ITGA9: variants seen among roughly 807,000 people sequenced by gnomAD.
ITGA9 encodes the protein integrin subunit alpha 9.
Under a neutral mutation model 127.8 loss-of-function variants are expected in ITGA9, and 56 were observed. The ratio of observed to expected loss-of-function variants is 0.44; its 90% CI spans 0.35 to 0.55. The LOEUF (loss-of-function observed/expected upper bound fraction) is 0.55. Ranked by LOEUF, ITGA9 falls within the 20% of genes least tolerant of loss-of-function variation. ITGA9 has a pLI of 0.00. For synonymous variants in ITGA9, 508 were observed against 514.5 expected, an observed-to-expected ratio of 0.99 and a Z score of 0.17; for missense variants, 1,196 against 1,347.1, an observed-to-expected ratio of 0.89 and a Z score of 1.76.
At position 37,562,093 on chromosome 3, in the gene ITGA9, G is replaced by A. The variant is rs141814424; in HGVS notation, c.1689+19508G>A. 7.2e-5 allele frequency among the ~76,000 whole-genome samples: 11 copies of A among 152,298 alleles called. No homozygotes were observed. The East Asian group carries it at 9.7e-4, about 13-fold the overall frequency. On this transcript the variant is annotated intron_variant, in intron 15 of 27. Transcript: ENST00000264741. ...TCCTATTCTCAGAGCAGAGAGCCAC[G>A]AATGGGGCACTCGGGGCCGTGACAG...
chr3:37,679,397 C>T (rs1227195461), intron 17 of ITGA9, among the ~76,000 whole-genome samples: 1 of 152,040 alleles, frequency 6.6e-6, no homozygotes, highest in African/African-American at 2.4e-5. Context: ...TGTTTGTAAA[C>T]TTTCTTGCCA....
chr3:37,782,837 G>C (rs1696992260), intron 25 of ITGA9, among the ~76,000 whole-genome samples: 1 of 152,170 alleles, frequency 6.6e-6, no homozygotes, highest in African/African-American at 2.4e-5. Context: ...TGTAGGATCT[G>C]ATTTTTAAAA....
At position 37,512,179 on chromosome 3, in the gene ITGA9, CTTTTCTTTTCTTTTCTTTTCTTTTCT is replaced by C. The variant is rs1193429976; in HGVS notation, c.898-1580_898-1555del. ...CTTTTCTTTTCTTTTCTTTTCTTTT[CTTTTCTTTTCTTTTCTTTTCTTTTCT>C]TTTCTTTCTTTCTTTCTTCTTTCTT... is the stretch of plus-strand genomic sequence containing the variant. On this transcript the variant is annotated intron_variant, in intron 8 of 27. Coordinates refer to ENST00000264741, the MANE Select transcript of ITGA9 (RefSeq NM_002207.3). Among the ~76,000 whole-genome samples the C allele has an allele frequency of 5.1e-3, 105 of 20,738 alleles. 4 individuals are homozygous for C. The highest frequency in any genetic ancestry group is 0.034 in the Admixed American group (43 of 1,248). 13.6% of individuals were successfully genotyped at this position (20,738 alleles called of 152,430 possible).
intron 22 of ITGA9, 47 bp from the exon 23 acceptor site, chr3:37,750,415 T>C (rs753035663): frequency 9.5e-7 from 1 of 1,047,700 alleles, no homozygotes; most frequent in Non-Finnish European, 1.5e-6. Flanking sequence ...GAAATGGAGG[T>C]CTGCTATTTT....
chr3:37,480,833 C>T (rs1698545030), intron 3 of ITGA9, among the ~76,000 whole-genome samples: 1 of 152,186 alleles, frequency 6.6e-6, no homozygotes, highest in South Asian at 2.1e-4. Context: ...TCATCTCTCA[C>T]CTGGTGTTCA....
chr3:37,725,441 A>G (rs1696176037), intron 18 of ITGA9, among the ~76,000 whole-genome samples: 1 of 152,202 alleles, frequency 6.6e-6, no homozygotes, highest in South Asian at 2.1e-4. Context: ...ACCTGTGTGT[A>G]TTCAAAGCAC....
Position 37,517,618 on chromosome 3 carries a change from G to A in ITGA9, c.1141+9G>A. 6.5e-7 allele frequency: 1 copy of A among 1,547,302 alleles called. No individual in the cohort carries two copies. ...CAATGATGGGTTCCCAGGTGAGTGAGTGCTCCTGGTGCACGGAGCCCCTCC... is the reference window on the plus strand; with the variant it reads ...CAATGATGGGTTCCCAGGTGAGTGAATGCTCCTGGTGCACGGAGCCCCTCC... On this transcript the variant is annotated intron_variant, in intron 10 of 27. Transcript: ENST00000264741.
chr3:37,526,933 C>G (rs1411716360), intron 13 of ITGA9, among the ~76,000 whole-genome samples: 2 of 152,188 alleles, frequency 1.3e-5, no homozygotes, highest in Non-Finnish European at 2.9e-5. Flanking sequence ...AGTGGGAGCC[C>G]AGTTACTTCT....
chr3:37,665,957 G>T (rs1046077331), intron 17 of ITGA9, among the ~76,000 whole-genome samples: 1 of 152,182 alleles, frequency 6.6e-6, no homozygotes, highest in Non-Finnish European at 1.5e-5. Context: ...CTTCCAGAGA[G>T]CCCAGCTTCT....
chr3:37,594,532 G>A (rs1366750483), intron 15 of ITGA9, among the ~76,000 whole-genome samples: 1 of 151,912 alleles, frequency 6.6e-6, no homozygotes, highest in Non-Finnish European at 1.5e-5. Flanking sequence ...AATAAAGCTT[G>A]AAGTGTCTGA....
chr3:37,562,874 C>T (rs1699507716), intron 15 of ITGA9, among the ~76,000 whole-genome samples: 1 of 152,032 alleles, frequency 6.6e-6, no homozygotes, highest in Non-Finnish European at 1.5e-5. Flanking sequence ...ACTTAGGTTA[C>T]AACCAAGGTA....
At chr3:37,554,823 C>T (rs1168941239) in intron 15 of ITGA9, among the ~76,000 whole-genome samples, 2 of 152,116 alleles carry the variant, frequency 1.3e-5, no homozygotes, top group African/African-American at 4.8e-5. Flanking sequence ...ACGGAAGGTG[C>T]AGGTGAGCAG....
chr3:37,471,831 A>G (rs577253887), intron 2 of ITGA9, among the ~76,000 whole-genome samples: 2 of 152,356 alleles, frequency 1.3e-5, no homozygotes, highest in East Asian at 3.9e-4. Flanking sequence ...AGGTGGGCAC[A>G]TTGCTTGAGC....
chr3:37,574,212 G>C (rs1266652736), intron 15 of ITGA9, among the ~76,000 whole-genome samples: 1 of 152,168 alleles, frequency 6.6e-6, no homozygotes, highest in Non-Finnish European at 1.5e-5. Flanking sequence ...TCATAGGGTA[G>C]ATATTTCTTT....
intron 23 of ITGA9, among the ~76,000 whole-genome samples, chr3:37,766,797 T>C (rs1696784582): frequency 1.3e-5 from 2 of 152,232 alleles, no homozygotes; most frequent in Admixed American, 6.5e-5. Context: ...GAAAACATTT[T>C]TGGTATGCAT....
In ITGA9 at chr3:37,748,769, AAG is replaced by A. The variant is rs1696541641; in HGVS notation, c.2434-1692_2434-1691del. 2.7e-4 allele frequency: 174 copies of A among 638,134 alleles called. 2 individuals are homozygous for A. In the South Asian group the frequency reaches 2.9e-3, roughly 11 times the overall value. The allele number at this position is 638,134 out of a possible 1,614,324, so 39.5% of individuals were successfully genotyped here. ...TCTTAAAAAAAAAAAAAAAAAAAAG[AAG>A]GAAGCCAAACAGAAAGATACCTGGG... On this transcript the variant is annotated intron_variant, in intron 22 of 27. Transcript: ENST00000264741.
chr3:37,786,490 A>G (rs1434987188), intron 26 of ITGA9, among the ~76,000 whole-genome samples: 1 of 152,128 alleles, frequency 6.6e-6, no homozygotes, highest in Non-Finnish European at 1.5e-5. Flanking sequence ...GCTACTTGGG[A>G]ACTGAGGCAG....
chr3:37,703,769 G>A (rs576179249), intron 18 of ITGA9, among the ~76,000 whole-genome samples: 6 of 152,324 alleles, frequency 3.9e-5, no homozygotes, highest in African/African-American at 9.6e-5. Context: ...ATGTGCCAGA[G>A]GCTGCTCAAC....
At chr3:37,517,695 C>A (rs1426977316) in intron 10 of ITGA9, 86 bp downstream of exon 10, 1 of 960,442 alleles carries the variant, frequency 1.0e-6, no homozygotes, top group Non-Finnish European at 1.6e-6. Flanking sequence ...GCTGACTGTC[C>A]ATCTCTAGTG....
Sources: gnomAD v4.1 joint callset for allele counts (sites outside exome capture counted in the v4.1 genomes callset) on GRCh38, gnomAD v4.1.1 for gene constraint, MANE v1.5 for transcripts, NCBI Gene and HGNC (gene_info 2026-07-23, HGNC 2026-07-21) for gene names.